The following FHIT variants were observed in gnomAD, a reference collection of about 807,000 sequenced individuals.
The protein encoded by FHIT is fragile histidine triad diadenosine triphosphatase.
FHIT carries 19 observed loss-of-function variants against 17.9 expected under a neutral mutation model. The observed-to-expected ratio is 1.06, with a 90% CI of 0.74 to 1.56. The LOEUF is 1.56. Ranked by LOEUF, FHIT falls within the 40% of genes most tolerant of loss-of-function variation. The pLI, the probability that FHIT is intolerant of heterozygous loss-of-function variation, is 0.00. For missense variants in FHIT, 248 were observed against 189.2 expected, an observed-to-expected ratio of 1.31 and a Z score of -1.82; for synonymous variants, 81 against 69.7, an observed-to-expected ratio of 1.16 and a Z score of -0.81.
chr3:60,283,820 T>TA (rs35576259), intron 5 of FHIT, among the ~76,000 whole-genome samples: 21 of 151,428 alleles, frequency 1.4e-4, no homozygotes, highest in African/African-American at 3.2e-4. Flanking sequence ...CCGAAAGAGG[T>TA]AAAAAAAGGA....
chr3:59,987,743 G>A (rs1428968050), intron 7 of FHIT, among the ~76,000 whole-genome samples: 1 of 151,714 alleles, frequency 6.6e-6, no homozygotes, highest in Non-Finnish European at 1.5e-5. Flanking sequence ...AAGAGTTTGG[G>A]GCTATTAGGA....
chr3:60,295,595 G>A (rs1207780310), intron 5 of FHIT, among the ~76,000 whole-genome samples: 1 of 152,050 alleles, frequency 6.6e-6, no homozygotes, highest in Non-Finnish European at 1.5e-5. Flanking sequence ...CTGCCACCAT[G>A]ACCCAAACAC....
chr3:60,245,721 C>T (rs1464656535), intron 5 of FHIT, among the ~76,000 whole-genome samples: 1 of 151,966 alleles, frequency 6.6e-6, no homozygotes, highest in African/African-American at 2.4e-5. Context: ...GTGGGCAAAA[C>T]TTTATGTACA....
chr3:60,462,281 C>G (rs1172718398), intron 5 of FHIT, among the ~76,000 whole-genome samples: 1 of 152,276 alleles, frequency 6.6e-6, no homozygotes, highest in African/African-American at 2.4e-5. Flanking sequence ...GAATGAGGTA[C>G]AGTGATCACT....
chr3:60,283,051 G>C (rs1304523491), intron 5 of FHIT, among the ~76,000 whole-genome samples: 3 of 152,118 alleles, frequency 2.0e-5, no homozygotes, highest in African/African-American at 7.2e-5. Flanking sequence ...TCAGGATCAA[G>C]TCATCCTGAA....
intron 4 of FHIT, among the ~76,000 whole-genome samples, chr3:60,585,917 C>G (rs557280908): frequency 3.2e-4 from 48 of 151,774 alleles, no homozygotes; most frequent in African/African-American, 1.1e-3. Context: ...TCTCAGAGCC[C>G]TTAGTATATT....
At chr3:59,925,350 C>G (rs1455501427) in intron 7 of FHIT, among the ~76,000 whole-genome samples, 1 of 152,172 alleles carries the variant, frequency 6.6e-6, no homozygotes, top group East Asian at 1.9e-4. Flanking sequence ...AAGCAATCCC[C>G]TCTCCTCAGC....
chr3:60,371,576 C>A (rs1187112614), intron 5 of FHIT, among the ~76,000 whole-genome samples: 1 of 152,092 alleles, frequency 6.6e-6, no homozygotes, highest in African/African-American at 2.4e-5. Context: ...CAAGGCTCTT[C>A]TTTTTATTTT....
chr3:60,355,767 G>A (rs1003032883), intron 5 of FHIT, among the ~76,000 whole-genome samples: 21 of 152,032 alleles, frequency 1.4e-4, no homozygotes, highest in African/African-American at 3.9e-4. Context: ...AAATGTCAAC[G>A]AAGTAACTCT....
chr3:60,023,354 C>G (rs1326505557), intron 5 of FHIT, among the ~76,000 whole-genome samples: 3 of 152,232 alleles, frequency 2.0e-5, no homozygotes, highest in Non-Finnish European at 4.4e-5. Flanking sequence ...TACACAGTTT[C>G]ATTTCACCAG....
At chr3:60,622,988 C>T (rs2039177028) in intron 4 of FHIT, among the ~76,000 whole-genome samples, 2 of 152,158 alleles carry the variant, frequency 1.3e-5, no homozygotes, top group Admixed American at 1.3e-4. Flanking sequence ...TGTTGACAGT[C>T]GTACACCTTA....
At chr3:60,707,659 T>C (rs2041408483) in intron 4 of FHIT, among the ~76,000 whole-genome samples, 1 of 152,204 alleles carries the variant, frequency 6.6e-6, no homozygotes, top group South Asian at 2.1e-4. Context: ...CCAATTACTG[T>C]TCTGTCTTCC....
chr3:61,247,076 T>A (rs1442145302), intron 1 of FHIT, among the ~76,000 whole-genome samples: 2 of 143,814 alleles, frequency 1.4e-5, no homozygotes, highest in African/African-American at 2.5e-5. Flanking sequence ...ACTCACCCCA[T>A]CAGTGCCTCC....
At chr3:60,384,104 C>T (rs183811026) in intron 5 of FHIT, among the ~76,000 whole-genome samples, 1 of 152,006 alleles carries the variant, frequency 6.6e-6, no homozygotes, top group African/African-American at 2.4e-5. Flanking sequence ...CCCGTCGCTA[C>T]TAAAATACAA....
intron 3 of FHIT, among the ~76,000 whole-genome samples, chr3:60,878,721 T>C (rs1324938582): frequency 6.6e-6 from 1 of 152,008 alleles, no homozygotes; most frequent in Non-Finnish European, 1.5e-5. Context: ...TTCCCACCTA[T>C]GAGTGAGAAC....
chr3:60,483,356 A>C (rs112199237), intron 5 of FHIT, among the ~76,000 whole-genome samples: 1 of 152,112 alleles, frequency 6.6e-6, no homozygotes, highest in African/African-American at 2.4e-5. Flanking sequence ...TGATGCCAAA[A>C]CCAGGAGGAG....
chr3:59,940,246 C>T (rs576497110), intron 7 of FHIT, among the ~76,000 whole-genome samples: 5 of 152,304 alleles, frequency 3.3e-5, no homozygotes, highest in South Asian at 2.1e-4. Flanking sequence ...ATTGCTGCTG[C>T]CGCTGCCACG....
chr3:60,149,205 G>C (rs963042722), intron 5 of FHIT, among the ~76,000 whole-genome samples: 1 of 152,046 alleles, frequency 6.6e-6, no homozygotes, highest in South Asian at 2.1e-4. Flanking sequence ...TTTACTTTCT[G>C]TCATCTATGC....
intron 5 of FHIT, among the ~76,000 whole-genome samples, chr3:60,523,474 G>T (rs1196026373): frequency 1.3e-5 from 2 of 152,076 alleles, no homozygotes; most frequent in African/African-American, 4.8e-5. Context: ...ATCAGAAGAA[G>T]GTTTCATCAA....
Sources: gnomAD v4.1 joint callset for allele counts (sites outside exome capture counted in the v4.1 genomes callset) on GRCh38, gnomAD v4.1.1 for gene constraint, MANE v1.5 for transcripts, NCBI Gene and HGNC (gene_info 2026-07-23, HGNC 2026-07-21) for gene names.